Variants in UMAD1 observed in about 807,000 individuals in gnomAD.
UMAD1 encodes the protein UBAP1-MVB12-associated (UMA)-domain containing protein 1.
A neutral mutation model predicts 6.1 loss-of-function variants in UMAD1; 8 were observed. That is an observed-to-expected ratio of 1.30 (90% confidence interval 0.76 to 2.35). The LOEUF (loss-of-function observed/expected upper bound fraction) is 2.35, where lower values mean the gene tolerates loss of function less well. Among genes scored for constraint, UMAD1 ranks in the 30% most tolerant of loss-of-function variants. The pLI is 0.00. For synonymous variants in UMAD1, 56 were observed against 31.4 expected (o/e 1.78, Z -2.61); for missense variants, 130 against 78.4 (o/e 1.66, Z -2.49).
intron 3 of UMAD1, among the ~76,000 whole-genome samples, chr7:7,809,855 C>A (rs150554341): frequency 1.3e-5 from 2 of 151,976 alleles, no homozygotes; most frequent in African/African-American, 4.8e-5. Context: ...TGTAGGGACG[C>A]GTTTCCTTGT....
intron 3 of UMAD1, among the ~76,000 whole-genome samples, chr7:7,860,494 C>T (rs1425279509): frequency 9.3e-5 from 14 of 149,736 alleles, no homozygotes; most frequent in African/African-American, 3.4e-4. Context: ...AGCGTGGTGG[C>T]TTATGCTTGT....
In UMAD1 at chr7:7,699,034, T is replaced by TTG. The variant is rs756479031; in HGVS notation, c.82+25596_82+25597dup. Among the ~76,000 whole-genome samples the TTG allele has an allele frequency of 5.0e-4, 64 of 127,196 alleles. 1 individual carries two copies. Among genetic ancestry groups the TTG allele is most frequent in the East Asian group, 8.7e-4 (4 of 4,600 alleles). The allele number at this position is 127,196 out of a possible 152,430, so 83.4% of individuals were successfully genotyped here. On this transcript the variant is annotated intron_variant, in intron 2 of 3. Coordinates refer to ENST00000682710, the MANE Select transcript of UMAD1 (RefSeq NM_001302348.2). The stretch of plus-strand genomic sequence containing the variant: ...CATGCCCAGTTAATTTTTATATAGT[T>TTG]TGTGTGTGTGTGTGTGGGGGGGGGG...
intron 2 of UMAD1, among the ~76,000 whole-genome samples, chr7:7,790,944 G>A (rs976406861): frequency 1.3e-5 from 2 of 152,162 alleles, no homozygotes; most frequent in Admixed American, 6.5e-5. Context: ...AGGCTGGGGT[G>A]CAATGGTGCG....
At chr7:7,856,884 G>T (rs1385047172) in intron 3 of UMAD1, among the ~76,000 whole-genome samples, 1 of 152,134 alleles carries the variant, frequency 6.6e-6, no homozygotes, top group Non-Finnish European at 1.5e-5. Flanking sequence ...CATCAGTTGG[G>T]CACATTTTTG....
At chr7:7,722,142 ACT>A (rs34667843) in intron 2 of UMAD1, among the ~76,000 whole-genome samples, 2,930 of 144,006 alleles carry the variant, frequency 0.02, 84 homozygotes, top group African/African-American at 0.071. Flanking sequence ...TCCTTAATAA[ACT>A]CTCTCTCTCT....
At chr7:7,814,868 C>A (rs1165613789) in intron 3 of UMAD1, among the ~76,000 whole-genome samples, 1 of 152,070 alleles carries the variant, frequency 6.6e-6, no homozygotes, top group African/African-American at 2.4e-5. Flanking sequence ...TCTTCAGGGT[C>A]CTTATTGATT....
intron 2 of UMAD1, among the ~76,000 whole-genome samples, chr7:7,718,002 G>A (rs917747398): frequency 1.3e-5 from 2 of 152,106 alleles, no homozygotes; most frequent in Admixed American, 6.5e-5. Flanking sequence ...TAGAGTTTAG[G>A]GAAATCTAGT....
intron 3 of UMAD1, among the ~76,000 whole-genome samples, chr7:7,817,027 T>A (rs1462761907): frequency 6.6e-6 from 1 of 152,238 alleles, no homozygotes; most frequent in Non-Finnish European, 1.5e-5. Context: ...GTCCTGCTCC[T>A]CTGTGTAAAC....
At chr7:7,647,320 A>T (rs77655130) in intron 1 of UMAD1, among the ~76,000 whole-genome samples, 2 of 152,200 alleles carry the variant, frequency 1.3e-5, no homozygotes, top group Admixed American at 1.3e-4. Flanking sequence ...ACTGCATTAT[A>T]ATCTGAGGGT....
intron 1 of UMAD1, among the ~76,000 whole-genome samples, chr7:7,662,162 A>G (rs35972092): frequency 2.8e-4 from 42 of 152,148 alleles, no homozygotes; most frequent in Non-Finnish European, 4.9e-4. Flanking sequence ...CCTTCCCCCC[A>G]CCAAGCTCGA....
chr7:7,871,476 CTCTTG>C (rs1248371732), intron 3 of UMAD1, among the ~76,000 whole-genome samples: 1 of 152,174 alleles, frequency 6.6e-6, no homozygotes, highest in Non-Finnish European at 1.5e-5. Flanking sequence ...CCTCAGTTTC[CTCTTG>C]TCTTTAATAC....
At chr7:7,813,180 C>T (rs1473440329) in intron 3 of UMAD1, among the ~76,000 whole-genome samples, 3 of 152,036 alleles carry the variant, frequency 2.0e-5, no homozygotes, top group African/African-American at 7.2e-5. Context: ...CAGGCGTAGC[C>T]AGCCCCATTC....
At chr7:7,734,830 A>C (rs1330745818) in intron 2 of UMAD1, among the ~76,000 whole-genome samples, 1 of 152,144 alleles carries the variant, frequency 6.6e-6, no homozygotes, top group African/African-American at 2.4e-5. Flanking sequence ...TTTTTTTCAT[A>C]CATAAAACAA....
At chr7:7,701,883 A>G (rs1780472591) in intron 2 of UMAD1, among the ~76,000 whole-genome samples, 1 of 152,086 alleles carries the variant, frequency 6.6e-6, no homozygotes, top group South Asian at 2.1e-4. Context: ...ATCTTTCCTA[A>G]TAATTCACTG....
Position 7,722,554 on chromosome 7 carries a change from G to C in UMAD1, c.82+49101G>C, listed in dbSNP as rs1583775303. The stretch of plus-strand genomic sequence containing the variant: ...AGAACTAAGGAATGTAATGAAGTTG[G>C]TTGGTTGCTCCTAAGTTCACTGGAC... On this transcript the variant is annotated intron_variant, in intron 2 of 3. Coordinates refer to ENST00000682710, the MANE Select transcript of UMAD1 (RefSeq NM_001302348.2). Among the ~76,000 whole-genome samples, 3 of 152,274 alleles carry C rather than the reference G, an allele frequency of 2.0e-5. No individual in the cohort carries two copies. In the Middle Eastern group the frequency reaches 0.01, roughly 518 times the overall value.
chr7:7,835,384 TTTC>T (rs961393578), intron 3 of UMAD1, among the ~76,000 whole-genome samples: 1 of 148,180 alleles, frequency 6.7e-6, no homozygotes, highest in Non-Finnish European at 1.5e-5. Flanking sequence ...TAACTTCTGC[TTTC>T]TTTTTTTTTT....
chr7:7,655,069 A>G (rs1322454937), intron 1 of UMAD1, among the ~76,000 whole-genome samples: 1 of 152,194 alleles, frequency 6.6e-6, no homozygotes, highest in African/African-American at 2.4e-5. Context: ...TGCTAGCAGG[A>G]TTTACTGTTA....
chr7:7,833,502 T>G (rs1423668961), intron 3 of UMAD1, among the ~76,000 whole-genome samples: 1 of 152,170 alleles, frequency 6.6e-6, no homozygotes, highest in Non-Finnish European at 1.5e-5. Context: ...GTCTGCAGAC[T>G]GTAGTAAGTA....
intron 2 of UMAD1, among the ~76,000 whole-genome samples, chr7:7,757,065 G>T (rs1185393497): frequency 1.3e-5 from 2 of 152,170 alleles, no homozygotes; most frequent in African/African-American, 4.8e-5. Flanking sequence ...TGAGACATGA[G>T]TTACTACTTT....
Sources: allele counts gnomAD v4.1 joint callset (sites outside exome capture counted in the v4.1 genomes callset), GRCh38; gene constraint gnomAD v4.1.1; transcripts MANE v1.5; gene names NCBI Gene and HGNC (gene_info 2026-07-23, HGNC 2026-07-21).